TM4SF19: variants seen among roughly 807,000 people sequenced by gnomAD.
The protein encoded by TM4SF19 is transmembrane 4 L6 family member 19.
TM4SF19 carries 17 observed loss-of-function variants against 21.8 expected under a neutral mutation model. The observed-to-expected ratio is 0.78, with a 90% confidence interval of 0.53 to 1.17. The LOEUF (loss-of-function observed/expected upper bound fraction) is 1.17. Among genes scored for constraint, TM4SF19 ranks in the 50% most tolerant of loss-of-function variants. The pLI is 0.00. For missense variants in TM4SF19, 216 were observed against 252.1 expected (o/e 0.86, Z 0.97); for synonymous variants, 107 against 106.7 (o/e 1.00, Z -0.02).
intron 1 of TM4SF19, among the ~76,000 whole-genome samples, chr3:196,332,288 C>T (rs369834525): frequency 7.0e-4 from 106 of 151,088 alleles, no homozygotes; most frequent in African/African-American, 2.4e-3. Flanking sequence ...GTGGTGTGCG[C>T]CTGTAATCCA....
chr3:196,334,052 C>T (rs1174930539), intron 1 of TM4SF19, among the ~76,000 whole-genome samples: 1 of 151,264 alleles, frequency 6.6e-6, no homozygotes, highest in Admixed American at 6.6e-5. Context: ...CAGATCGAGA[C>T]TCCGTCTCAA....
chr3:196,338,205 C>G (rs1727850488), intron 1 of TM4SF19, 59 bp downstream of exon 1: 5 of 152,310 alleles, frequency 3.3e-5, no homozygotes. Context: ...AGCGTGCACT[C>G]TCATCTGTGA....
intron 2 of TM4SF19, 102 bp from the exon 3 acceptor site, chr3:196,327,134 C>A: frequency 1.0e-6 from 1 of 969,854 alleles, no homozygotes; most frequent in Non-Finnish European, 1.6e-6. Flanking sequence ...CACATGAACG[C>A]AGTCCTGTTG....
chr3:196,327,100 C>T, intron 2 of TM4SF19, 68 bp from the exon 3 acceptor site: 1 of 1,339,052 alleles, frequency 7.5e-7, no homozygotes, highest in Admixed American at 1.8e-5. Context: ...GTGCTGCCCA[C>T]AGCTGTTAGA....
At chr3:196,337,655 G>A (rs941228014) in intron 1 of TM4SF19, among the ~76,000 whole-genome samples, 3 of 152,264 alleles carry the variant, frequency 2.0e-5, no homozygotes, top group Middle Eastern at 3.4e-3. Context: ...CTGCGCATGC[G>A]GCCCCTCCCA....
rs1727259018 is a variant in TM4SF19 at position 196,325,732 on chromosome 3, C to A, written c.279+1223G>T. Among the ~76,000 whole-genome samples, 1 of 151,976 alleles carries A rather than the reference C, an allele frequency of 6.6e-6. No individual in the cohort carries two copies. Among genetic ancestry groups the A allele is most frequent in the African/African-American group, 2.4e-5 (1 of 41,368 alleles). On this transcript the variant is annotated intron_variant, in intron 3 of 4. Coordinates refer to ENST00000273695, the MANE Select transcript of TM4SF19 (RefSeq NM_138461.4). The surrounding 1 kb of genome is among the most constrained non-coding windows in gnomAD (Gnocchi z 4.3). ...ATCAGTAAGCCTAGGGCAGTGGTTC[C>A]CAAAATGGGGTCCCTGCCCAGCCGC...
At chr3:196,332,426 G>A (rs1313497511) in intron 1 of TM4SF19, among the ~76,000 whole-genome samples, 4 of 134,728 alleles carry the variant, frequency 3.0e-5, no homozygotes, top group African/African-American at 1.1e-4. Flanking sequence ...AGAGGAGGGA[G>A]AGAGGGAGGG....
chr3:196,333,701 T>C (rs1727612820), intron 1 of TM4SF19, among the ~76,000 whole-genome samples: 1 of 152,164 alleles, frequency 6.6e-6, no homozygotes, highest in Admixed American at 6.6e-5. Context: ...CATCACACAA[T>C]AGACACGGAA....
At chr3:196,334,066 A>G (rs1471407608) in intron 1 of TM4SF19, among the ~76,000 whole-genome samples, 1 of 152,224 alleles carries the variant, frequency 6.6e-6, no homozygotes, top group East Asian at 1.9e-4. Context: ...GTCTCAAAAA[A>G]AAAAAATTGC....
At chr3:196,335,399 T>G (rs1294704586) in intron 1 of TM4SF19, among the ~76,000 whole-genome samples, 2 of 45,366 alleles carry the variant, frequency 4.4e-5, no homozygotes, top group African/African-American at 1.8e-4. Context: ...ACTGGGAGGG[T>G]GTGGGTAGGA....
chr3:196,327,555 C>A lies in TM4SF19; in HGVS notation c.36G>T (p.Arg12=), dbSNP rs746199468. 1 of 1,613,754 alleles carries A rather than the reference C, an allele frequency of 6.2e-7. No individual in the cohort carries two copies. The highest frequency in any genetic ancestry group is 1.1e-5 in the South Asian group (1 of 91,054). The change falls in exon 2 of 5, where the codon CGG becomes CGT. Residue 12 remains arginine, a synonymous_variant. Transcript: ENST00000273695. ...TCAGTCCCAGGATACGGGAGCAAGT[C>A]CGTGAGCTTGCCTGCGTGCAGGGAG... ...VSSPCTQASS[R]TCSRILGLSL... is the part of the protein sequence containing the mutation.
In TM4SF19 at chr3:196,325,849, C is replaced by G. The variant is rs919565214; in HGVS notation, c.279+1106G>C. Among the ~76,000 whole-genome samples, 2 of 152,186 alleles carry G rather than the reference C, an allele frequency of 1.3e-5. No individual in the cohort carries two copies. The highest frequency in any genetic ancestry group is 2.9e-5 in the Non-Finnish European group (2 of 68,038). On this transcript the variant is annotated intron_variant, in intron 3 of 4. Coordinates refer to ENST00000273695, the MANE Select transcript of TM4SF19 (RefSeq NM_138461.4). The surrounding 1 kb of genome is among the most constrained non-coding windows in gnomAD (Gnocchi z 4.3). ...GGAGGGAGCCCAGCAATCCGTGTTC[C>G]GGCAAAAGCCCTCCAGGTGATTCTC... is the stretch of plus-strand genomic sequence containing the variant.
At chr3:196,336,138 GT>G (rs990418082) in intron 1 of TM4SF19, among the ~76,000 whole-genome samples, 2 of 150,042 alleles carry the variant, frequency 1.3e-5, no homozygotes. Flanking sequence ...TTTTTGTTTT[GT>G]TTTTTGTTTT....
chr3:196,336,907 T>G (rs896639528), intron 1 of TM4SF19, among the ~76,000 whole-genome samples: 1 of 152,182 alleles, frequency 6.6e-6, no homozygotes, highest in Non-Finnish European at 1.5e-5. Context: ...TTTTCTTTCA[T>G]TCTTCCTTCA....
At chr3:196,332,506 A>AT (rs1553845749) in intron 1 of TM4SF19, among the ~76,000 whole-genome samples, 70 of 149,848 alleles carry the variant, frequency 4.7e-4, no homozygotes, top group African/African-American at 1.3e-3. Flanking sequence ...GAAGAAAAAA[A>AT]ATATATATAT....
intron 1 of TM4SF19, among the ~76,000 whole-genome samples, chr3:196,337,935 AAGTACCAGGC>A (rs1421570137): frequency 6.6e-6 from 1 of 151,922 alleles, no homozygotes; most frequent in Non-Finnish European, 1.5e-5. Context: ...TGGTAACAGT[AAGTACCAGGC>A]AGGGGCATCC....
intron 1 of TM4SF19, among the ~76,000 whole-genome samples, chr3:196,330,988 T>A (rs1233122134): frequency 6.6e-6 from 1 of 152,166 alleles, no homozygotes. Context: ...AAAATATGAA[T>A]TAAGGCCGGG....
intron 1 of TM4SF19, among the ~76,000 whole-genome samples, 187 bp from the exon 2 acceptor site, chr3:196,327,778 TTTAA>T (rs781285953): frequency 5.3e-5 from 8 of 152,182 alleles, no homozygotes; most frequent in Non-Finnish European, 1.2e-4. Context: ...GTGACTAGGA[TTTAA>T]TTGTTTCCTT....
In TM4SF19 at chr3:196,324,330, T is replaced by A. The variant is rs992618615; in HGVS notation, c.390A>T (p.Ser130=). 1.2e-6 allele frequency: 2 copies of A among 1,614,130 alleles called. No individual in the cohort carries two copies. Among genetic ancestry groups the A allele is most frequent in the Middle Eastern group, 1.6e-4 (1 of 6,062 alleles). The change falls in exon 4 of 5, where the codon TCA becomes TCT. Residue 130 remains serine (S), a synonymous_variant. Coordinates refer to ENST00000273695, the MANE Select transcript of TM4SF19 (RefSeq NM_138461.4). ...TCCAAGCTTGTGTCTGATTGAAGGATGAAACATCAAACATGCAAAAAGGAC... is the reference window on the plus strand; with the variant it reads ...TCCAAGCTTGTGTCTGATTGAAGGAAGAAACATCAAACATGCAAAAAGGAC... ...KDGPFCMFDV[S]SFNQTQAWKY...
Sources: gnomAD v4.1 joint callset for allele counts (sites outside exome capture counted in the v4.1 genomes callset) on GRCh38, gnomAD v4.1.1 for gene constraint, Gnocchi (gnomAD v3.1) non-coding constraint, MANE v1.5 for transcripts, NCBI Gene and HGNC (gene_info 2026-07-23, HGNC 2026-07-21) for gene names.